Variants in EIF3CL observed in about 807,000 individuals in gnomAD.
EIF3CL encodes eukaryotic translation initiation factor 3 subunit C-like protein.
For synonymous variants in EIF3CL, 2 were observed against 19.6 expected (o/e 0.10, Z 2.37); for missense variants, 5 against 56.1 (o/e 0.09, Z 2.91).
the EIF3CL span, among the ~76,000 whole-genome samples, chr16:28,416,849 T>C: frequency 1.5e-5 from 1 of 65,680 alleles, no homozygotes; most frequent in African/African-American, 5.5e-5. Context: ...GAGGAGCCCC[T>C]CTGCCCGGCC....
the EIF3CL span, among the ~76,000 whole-genome samples, chr16:28,424,293 A>AT: frequency 2.6e-4 from 19 of 71,702 alleles, 2 homozygotes; most frequent in South Asian, 1.8e-3. Context: ...CAGCCTATTT[A>AT]TTTTTTTTTG....
the EIF3CL span, among the ~76,000 whole-genome samples, chr16:28,422,858 G>GA: frequency 4.3e-5 from 5 of 116,534 alleles, no homozygotes; most frequent in South Asian, 2.4e-4. Context: ...GAAAAGAAAA[G>GA]AAAAAAAAAT....
the EIF3CL span, among the ~76,000 whole-genome samples, chr16:28,425,078 G>A: frequency 2.0e-4 from 1 of 4,976 alleles, no homozygotes; most frequent in African/African-American, 3.8e-4. Flanking sequence ...ACGGAGTCTC[G>A]CTCTGTCACC....
chr16:28,418,860 C>T, the EIF3CL span, among the ~76,000 whole-genome samples: 11 of 139,964 alleles, frequency 7.9e-5, no homozygotes, highest in East Asian at 2.2e-4. Flanking sequence ...GAACTCCTGA[C>T]GTCAGGTGAT....
the EIF3CL span, among the ~76,000 whole-genome samples, chr16:28,422,762 G>A: frequency 1.2e-4 from 16 of 136,240 alleles, no homozygotes; most frequent in African/African-American, 3.6e-4. Context: ...CCTCGAACTC[G>A]GGAGGCAGAG....
At chr16:28,416,725 C>A in the EIF3CL span, among the ~76,000 whole-genome samples, 2 of 121,546 alleles carry the variant, frequency 1.6e-5, no homozygotes, top group Non-Finnish European at 1.8e-5. Flanking sequence ...AGCGTCTCCG[C>A]CCGGCAGCCA....
chr16:28,417,827 T>TA, the EIF3CL span, among the ~76,000 whole-genome samples: 782 of 104,104 alleles, frequency 7.5e-3, no homozygotes, highest in African/African-American at 0.023. Flanking sequence ...AAAATAAATT[T>TA]AAAAAAAAAA....
At chr16:28,403,083 T>C (rs1392628523) in intron 2 of EIF3CL, among the ~76,000 whole-genome samples, 1 of 144,730 alleles carries the variant, frequency 6.9e-6, no homozygotes, top group African/African-American at 2.5e-5. Context: ...TGAACAGGCA[T>C]ATAAAATGTT....
chr16:28,422,838 A>G, the EIF3CL span, among the ~76,000 whole-genome samples: 176 of 119,958 alleles, frequency 1.5e-3, no homozygotes, highest in African/African-American at 5.5e-3. Flanking sequence ...CTCAGTCTCA[A>G]ACAAAAAAAG....
At chr16:28,416,731 A>C in the EIF3CL span, among the ~76,000 whole-genome samples, 2 of 114,508 alleles carry the variant, frequency 1.7e-5, no homozygotes, top group African/African-American at 3.2e-5. Context: ...TCCGCCCGGC[A>C]GCCACCCCGT....
chr16:28,417,198 G>A, the EIF3CL span, among the ~76,000 whole-genome samples: 1 of 147,322 alleles, frequency 6.8e-6, no homozygotes, highest in Non-Finnish European at 1.5e-5. Context: ...GGTGGGGGGG[G>A]TCAGCCCCCC....
At chr16:28,417,753 C>G in the EIF3CL span, among the ~76,000 whole-genome samples, 1 of 136,230 alleles carries the variant, frequency 7.3e-6, no homozygotes, top group Non-Finnish European at 1.6e-5. Flanking sequence ...ACCTTCCCTC[C>G]ACTATTGTCC....
At chr16:28,414,913 G>A in the EIF3CL span, 11 of 516,136 alleles carry the variant, frequency 2.1e-5, no homozygotes, top group Middle Eastern at 3.2e-4. Context: ...GCCGGCCTCC[G>A]GGTCCCCAAC....
chr16:28,415,468 G>T, the EIF3CL span, among the ~76,000 whole-genome samples: 8 of 142,872 alleles, frequency 5.6e-5, 1 homozygote, highest in Non-Finnish European at 1.1e-4. Context: ...AAAAAAAAGA[G>T]GCTGGATGAG....
At chr16:28,425,620 G>A in the EIF3CL span, among the ~76,000 whole-genome samples, 2 of 99,734 alleles carry the variant, frequency 2.0e-5, no homozygotes, top group South Asian at 5.4e-4. Context: ...GTCCCCAAAT[G>A]CTATCCTTGT....
the EIF3CL span, among the ~76,000 whole-genome samples, chr16:28,415,839 T>G: frequency 9.8e-6 from 1 of 102,410 alleles, no homozygotes; most frequent in African/African-American, 3.8e-5. Flanking sequence ...CCTCTCCCTC[T>G]CCCTCTCCCT....
At chr16:28,422,763 G>T in the EIF3CL span, among the ~76,000 whole-genome samples, 1 of 136,466 alleles carries the variant, frequency 7.3e-6, no homozygotes, top group African/African-American at 2.8e-5. Flanking sequence ...CTCGAACTCG[G>T]GAGGCAGAGA....
chr16:28,423,425 C>CTT, the EIF3CL span, among the ~76,000 whole-genome samples: 2 of 2,474 alleles, frequency 8.1e-4, no homozygotes, highest in East Asian at 8.6e-3. Flanking sequence ...TAACCATAGG[C>CTT]TTTTTTTTTT....
chr16:28,414,408 A>G, the EIF3CL span: 63 of 325,574 alleles, frequency 1.9e-4, 1 homozygote, highest in South Asian at 1.4e-3. Flanking sequence ...AAAAAAAAAG[A>G]AAAGACGGCT....
Sources: gnomAD v4.1 joint callset for allele counts (sites outside exome capture counted in the v4.1 genomes callset) on GRCh38, gnomAD v4.1.1 for gene constraint, MANE v1.5 for transcripts, NCBI Gene and HGNC (gene_info 2026-07-23, HGNC 2026-07-21) for gene names.